BCL2: variants seen among roughly 807,000 people sequenced by gnomAD.
The protein encoded by BCL2 is apoptosis regulator Bcl-2.
BCL2 carries 1 observed loss-of-function variant against 14.2 expected under a neutral mutation model. The observed-to-expected ratio is 0.07, with a 90% CI of 0.02 to 0.33. BCL2 has a LOEUF of 0.33. BCL2 is among the 10% of genes least tolerant of loss of function. BCL2 has a pLI of 0.99. For synonymous variants in BCL2, 151 were observed against 137.2 expected, an observed-to-expected ratio of 1.10 and a Z score of -0.70; for missense variants, 247 against 305.9, an observed-to-expected ratio of 0.81 and a Z score of 1.44.
intron 2 of BCL2, among the ~76,000 whole-genome samples, chr18:63,130,840 G>A (rs946998874): frequency 6.6e-6 from 1 of 152,110 alleles, no homozygotes; most frequent in Non-Finnish European, 1.5e-5. Context: ...CATCAATATT[G>A]CTTCCAGACA....
chr18:63,207,087 A>T (rs1345182554), intron 2 of BCL2, among the ~76,000 whole-genome samples: 1 of 152,152 alleles, frequency 6.6e-6, no homozygotes, highest in African/African-American at 2.4e-5. Context: ...AGGAAATAGG[A>T]CTAGGAATAC....
chr18:63,169,336 C>CCTTCCTTCCTTTCTTT (rs1555697353), intron 2 of BCL2, among the ~76,000 whole-genome samples: 1 of 62,054 alleles, frequency 1.6e-5, no homozygotes. Flanking sequence ...TCCTTTCCTT[C>CCTTCCTTCCTTTCTTT]CTTTCTTTCT....
At chr18:63,202,335 ACATAACAT>A (rs1909718078) in intron 2 of BCL2, among the ~76,000 whole-genome samples, 1 of 152,120 alleles carries the variant, frequency 6.6e-6, no homozygotes, top group South Asian at 2.1e-4. Flanking sequence ...TCCTACATTC[ACATAACAT>A]TTGTTAGAAT....
At chr18:63,223,599 G>T (rs1599255110) in intron 2 of BCL2, among the ~76,000 whole-genome samples, 2 of 152,140 alleles carry the variant, frequency 1.3e-5, no homozygotes, top group Admixed American at 6.5e-5. Context: ...CATGCTGAAG[G>T]CTGAACCCTC....
chr18:63,284,822 G>T (rs1010444856), intron 2 of BCL2, among the ~76,000 whole-genome samples: 1 of 113,360 alleles, frequency 8.8e-6, no homozygotes, highest in Admixed American at 8.9e-5. Context: ...GGAACCACTG[G>T]TTTTTATTCA....
At chr18:63,295,591 T>C (rs1912776672) in intron 2 of BCL2, among the ~76,000 whole-genome samples, 1 of 152,198 alleles carries the variant, frequency 6.6e-6, no homozygotes, top group Non-Finnish European at 1.5e-5. Flanking sequence ...CAGAAGAGTA[T>C]ATGACATGCC....
chr18:63,135,915 C>A (rs557475565), intron 2 of BCL2, among the ~76,000 whole-genome samples: 1 of 152,138 alleles, frequency 6.6e-6, no homozygotes, highest in South Asian at 2.1e-4. Flanking sequence ...TCTGAAACCA[C>A]CCCCACAGAG....
intron 2 of BCL2, among the ~76,000 whole-genome samples, chr18:63,252,400 A>G (rs534124084): frequency 6.6e-6 from 1 of 152,308 alleles, no homozygotes; most frequent in Non-Finnish European, 1.5e-5. Context: ...ATAGTATTTT[A>G]CTTCCTTCCA....
At chr18:63,234,001 T>C (rs1331607051) in intron 2 of BCL2, among the ~76,000 whole-genome samples, 1 of 152,248 alleles carries the variant, frequency 6.6e-6, no homozygotes, top group Admixed American at 6.5e-5. Context: ...AAATAGTTCA[T>C]AATTTTTAAA....
chr18:63,150,748 A>G (rs1914633163), intron 2 of BCL2, among the ~76,000 whole-genome samples: 1 of 152,214 alleles, frequency 6.6e-6, no homozygotes, highest in African/African-American at 2.4e-5. Flanking sequence ...ATAAGGCTGA[A>G]GCTAAGCTAA....
chr18:63,237,152 C>T (rs1359050346), intron 2 of BCL2, among the ~76,000 whole-genome samples: 1 of 152,122 alleles, frequency 6.6e-6, no homozygotes, highest in African/African-American at 2.4e-5. Flanking sequence ...TACCACGACC[C>T]CTCTCCCAGC....
chr18:63,291,532 G>A (rs748986318), intron 2 of BCL2, among the ~76,000 whole-genome samples: 4 of 152,128 alleles, frequency 2.6e-5, no homozygotes, highest in African/African-American at 7.2e-5. Flanking sequence ...CCACAGCCCC[G>A]TCCTGAATCA....
At chr18:63,155,666 A>T (rs977024450) in intron 2 of BCL2, among the ~76,000 whole-genome samples, 12 of 152,090 alleles carry the variant, frequency 7.9e-5, no homozygotes, top group Non-Finnish European at 1.5e-4. Flanking sequence ...AGGTGAGAAG[A>T]GGCTGGGAGG....
chr18:63,313,741 G>GT (rs1176891654), intron 2 of BCL2: 2 of 152,146 alleles, frequency 1.3e-5, no homozygotes, highest in African/African-American at 4.8e-5. Context: ...ATGAGTGGGC[G>GT]TATCATCCCT....
rs1044294946 is a variant in BCL2 at position 63,124,744 on chromosome 18, G to C, written c.*3881C>G. ...TAGAATTGTATTTCTTAAAAAGTGT[G>C]TAACCACATTTGTCTGGGCTGCAAA... On this transcript the variant is annotated 3_prime_UTR_variant, in exon 3 of 3. Transcript: ENST00000333681. The C allele has an allele frequency of 8.7e-6, 2 of 229,526 alleles. No individual in the cohort carries two copies. Among genetic ancestry groups the C allele is most frequent in the Non-Finnish European group, 1.7e-5 (2 of 115,458 alleles). The allele number at this position is 229,526 out of a possible 1,614,324, so 14.2% of individuals were successfully genotyped here. A position where few individuals can be genotyped will look rare whatever the true frequency, so the allele number is the denominator to read the frequency against.
chr18:63,197,359 A>G (rs1218183989), intron 2 of BCL2, among the ~76,000 whole-genome samples: 1 of 152,238 alleles, frequency 6.6e-6, no homozygotes, highest in Non-Finnish European at 1.5e-5. Context: ...CAGACAGTGC[A>G]AGTCACAAGC....
At chr18:63,170,526 C>A (rs547899670) in intron 2 of BCL2, among the ~76,000 whole-genome samples, 5 of 152,102 alleles carry the variant, frequency 3.3e-5, no homozygotes, top group African/African-American at 1.2e-4. Context: ...GGTGTTTATG[C>A]GGAAAAGACC....
At chr18:63,234,062 A>G (rs997552756) in intron 2 of BCL2, among the ~76,000 whole-genome samples, 1 of 152,096 alleles carries the variant, frequency 6.6e-6, no homozygotes, top group Non-Finnish European at 1.5e-5. Flanking sequence ...TTTCCCCAAC[A>G]TTTTCTTTTT....
chr18:63,132,986 G>A (rs1599199130), intron 2 of BCL2, among the ~76,000 whole-genome samples: 1 of 152,290 alleles, frequency 6.6e-6, no homozygotes, highest in East Asian at 1.9e-4. Context: ...ACACGGAAAG[G>A]CTGGCACCGG....
Sources: allele counts gnomAD v4.1 joint callset (sites outside exome capture counted in the v4.1 genomes callset), GRCh38; gene constraint gnomAD v4.1.1; transcripts MANE v1.5; gene names NCBI Gene and HGNC (gene_info 2026-07-23, HGNC 2026-07-21).